Variants in HGF observed in about 807,000 individuals in gnomAD.
HGF encodes the protein fibroblast-derived tumor cytotoxic factor.
HGF carries 39 observed loss-of-function variants against 111.6 expected under a neutral mutation model. That is an observed-to-expected ratio of 0.35 (90% CI 0.27 to 0.46). The LOEUF (loss-of-function observed/expected upper bound fraction) is 0.46, where lower values mean the gene tolerates loss of function less well. Among genes scored for constraint, HGF ranks in the 20% least tolerant of loss-of-function variants. The probability of loss-of-function intolerance (pLI) is 1.00; values close to 1 mark genes in which losing one functional copy is unlikely to be tolerated. For synonymous variants in HGF, 285 were observed against 294.8 expected, an observed-to-expected ratio of 0.97 and a Z score of 0.34; for missense variants, 735 against 910.5, an observed-to-expected ratio of 0.81 and a Z score of 2.48.
chr7:81,707,184 T>C, intron 14 of HGF, 106 bp downstream of exon 14: 1 of 712,770 alleles, frequency 1.4e-6, no homozygotes, highest in Non-Finnish European at 2.5e-6. Flanking sequence ...GTTCACCCCA[T>C]TTGTGAATCT....
chr7:81,742,060 C>T (rs890741318), intron 7 of HGF, among the ~76,000 whole-genome samples: 23 of 150,490 alleles, frequency 1.5e-4, no homozygotes, highest in Admixed American at 2.7e-4. Context: ...AAGACTAATA[C>T]AATTTAAAAA....
intron 7 of HGF, among the ~76,000 whole-genome samples, chr7:81,741,147 G>C (rs550346810): frequency 6.6e-6 from 1 of 152,006 alleles, no homozygotes; most frequent in East Asian, 1.9e-4. Flanking sequence ...TCTCTTTATA[G>C]TCATATCTAT....
chr7:81,746,978 G>T (rs1216918356), intron 5 of HGF, among the ~76,000 whole-genome samples: 1 of 152,096 alleles, frequency 6.6e-6, no homozygotes, highest in Non-Finnish European at 1.5e-5. Context: ...AAGCTCCCAG[G>T]CATTGCTGCT....
chr7:81,735,193 A>G (rs2115962265), intron 7 of HGF, among the ~76,000 whole-genome samples: 1 of 152,156 alleles, frequency 6.6e-6, no homozygotes, highest in Admixed American at 6.6e-5. Flanking sequence ...CCAAAATATG[A>G]ACCTCAAATT....
At chr7:81,739,000 G>C (rs920256310) in intron 7 of HGF, among the ~76,000 whole-genome samples, 2 of 152,028 alleles carry the variant, frequency 1.3e-5, no homozygotes, top group African/African-American at 4.8e-5. Flanking sequence ...TTGACTTTCC[G>C]GAGAAGAATG....
At position 81,743,587 on chromosome 7, in the gene HGF, C is replaced by T. The variant is rs188415689; in HGVS notation, c.747-116G>A. ...TCTACACCTAGCTGGGGAAAGAGGA[C>T]GTTTTCTATGTTTTGCCTTACGAGG... On this transcript the variant is annotated intron_variant, in intron 6 of 17. Coordinates refer to ENST00000222390, the MANE Select transcript of HGF (RefSeq NM_000601.6). 3.2e-5 allele frequency: 25 copies of T among 781,966 alleles called. 1 individual carries two copies. Among genetic ancestry groups the T allele is most frequent in the Middle Eastern group, 4.5e-4 (2 of 4,466 alleles). The allele number at this position is 781,966 out of a possible 1,614,324, so 48.4% of individuals were successfully genotyped here.
chr7:81,735,975 C>T (rs551718370), intron 7 of HGF, among the ~76,000 whole-genome samples: 2 of 152,104 alleles, frequency 1.3e-5, no homozygotes, highest in Admixed American at 1.3e-4. Flanking sequence ...CATTAATTAC[C>T]ACTTAACAAT....
intron 10 of HGF, among the ~76,000 whole-genome samples, chr7:81,717,750 T>C (rs1789751896): frequency 1.3e-5 from 2 of 152,146 alleles, no homozygotes. Flanking sequence ...CAAGCTATTA[T>C]ACAAGTATTT....
chr7:81,710,095 ACTCT>A, intron 13 of HGF, 48 bp downstream of exon 13: 1 of 1,201,680 alleles, frequency 8.3e-7, no homozygotes, highest in South Asian at 1.2e-5. Context: ...TGGGAATAGG[ACTCT>A]CTTGTACATA....
intron 7 of HGF, among the ~76,000 whole-genome samples, chr7:81,731,492 T>C (rs1787655314): frequency 6.6e-6 from 1 of 152,166 alleles, no homozygotes; most frequent in South Asian, 2.1e-4. Flanking sequence ...TTATTGGACT[T>C]GGGGAAATGG....
chr7:81,742,763 A>C, intron 7 of HGF: 1 of 1,511,066 alleles, frequency 6.6e-7, no homozygotes, highest in South Asian at 1.2e-5. Context: ...AAATGATTGT[A>C]TGGACTGCTA....
intron 7 of HGF, among the ~76,000 whole-genome samples, chr7:81,738,693 C>A (rs758140814): frequency 6.6e-6 from 1 of 152,140 alleles, no homozygotes; most frequent in Admixed American, 6.6e-5. Flanking sequence ...AGTATTCAAA[C>A]GTTGGCTGGC....
chr7:81,735,025 T>G (rs898928778), intron 7 of HGF, among the ~76,000 whole-genome samples: 1 of 152,224 alleles, frequency 6.6e-6, no homozygotes, highest in African/African-American at 2.4e-5. Flanking sequence ...TAGAATTTAC[T>G]TTATGAAGGT....
intron 1 of HGF, among the ~76,000 whole-genome samples, chr7:81,769,377 A>G (rs1472539258): frequency 6.6e-6 from 1 of 152,222 alleles, no homozygotes; most frequent in East Asian, 1.9e-4. Context: ...AAATACTCAG[A>G]GTTTATTCTG....
chr7:81,743,220 A>G, intron 7 of HGF, 133 bp downstream of exon 7: 1 of 766,032 alleles, frequency 1.3e-6, no homozygotes, highest in Admixed American at 1.9e-5. Flanking sequence ...TATGTAACAC[A>G]TTCTTAAAAT....
In HGF at chr7:81,753,378, T is replaced by C. The variant is rs192641567; in HGVS notation, c.483-1116A>G. ...AGTTACATTTTTAATATTCAGCTTG[T>C]GTTTTGTTAACAGGCTTTATTTCTA... On this transcript the variant is annotated intron_variant, in intron 4 of 17. Coordinates refer to ENST00000222390, the MANE Select transcript of HGF (RefSeq NM_000601.6). 6.0e-3 allele frequency among the ~76,000 whole-genome samples: 919 copies of C among 152,176 alleles called. 10 individuals carry two copies. The highest frequency in any genetic ancestry group is 0.027 in the South Asian group (132 of 4,828).
intron 7 of HGF, chr7:81,736,764 A>G (rs1787839221): frequency 2.1e-6 from 1 of 468,424 alleles, no homozygotes; most frequent in Admixed American, 2.3e-5. Context: ...GAGCCTGGAG[A>G]GAAATGTGGA....
In HGF at chr7:81,729,747, A is replaced by T. The variant is rs1416064629; in HGVS notation, c.898T>A (p.Leu300Met). ...CCTTGGATGCATTCAGTTGTTTCCA[A>T]AGGAACATCAGTGTCATTCATAGTA... Reference protein sequence around the residue: ...DNTMNDTDVPLETTECIQGQG... With the variant: ...DNTMNDTDVPMETTECIQGQG... The change falls in exon 8 of 18, where the codon TTG (leucine) becomes ATG (methionine). Residue 300 changes from leucine to methionine, a missense_variant. By Grantham distance (15) the Leu-to-Met change is conservative. Around this residue, in one of 3 missense-constraint regions of HGF, gnomAD observed 553 missense variants for 685.6 expected, o/e 0.81. Coordinates refer to ENST00000222390, the MANE Select transcript of HGF (RefSeq NM_000601.6). 1 of 1,614,046 alleles carries T rather than the reference A, an allele frequency of 6.2e-7. No individual in the cohort carries two copies. Among genetic ancestry groups the T allele is most frequent in the South Asian group, 1.1e-5 (1 of 91,082 alleles).
intron 13 of HGF, 54 bp from the exon 14 acceptor site, chr7:81,707,418 C>G (rs2115780889): frequency 1.0e-6 from 1 of 993,738 alleles, no homozygotes; most frequent in South Asian, 1.3e-5. Context: ...AGAGTGACTG[C>G]CAATTAATGC....
Sources: gnomAD v4.1 joint callset for allele counts (sites outside exome capture counted in the v4.1 genomes callset) on GRCh38, gnomAD v4.1.1 for gene constraint, gnomAD v4.1.1 regional missense constraint, MANE v1.5 for transcripts, NCBI Gene and HGNC (gene_info 2026-07-23, HGNC 2026-07-21) for gene names.